Variants in PCDHA13 observed in about 807,000 individuals in gnomAD.
The protein encoded by PCDHA13 is protocadherin alpha 13.
In PCDHA13, 54 loss-of-function variants were observed where a neutral mutation model predicts 64.8. The observed-to-expected ratio is 0.83, with a 90% CI of 0.67 to 1.04. The LOEUF (loss-of-function observed/expected upper bound fraction) is 1.04. Among genes scored for constraint, PCDHA13 ranks in the 50% least tolerant of loss-of-function variants. PCDHA13 has a pLI of 0.00. For missense variants in PCDHA13, 1,248 were observed against 1,254.3 expected (o/e 0.99, Z 0.08); for synonymous variants, 587 against 564.4 (o/e 1.04, Z -0.57).
intron 3 of PCDHA13, among the ~76,000 whole-genome samples, chr5:141,005,360 A>G (rs1215157808): frequency 6.6e-6 from 1 of 152,184 alleles, no homozygotes; most frequent in Non-Finnish European, 1.5e-5. Flanking sequence ...TAGGAATGTC[A>G]TAGAATGCCT....
At chr5:140,933,988 G>C (rs1156532752) in intron 1 of PCDHA13, among the ~76,000 whole-genome samples, 1 of 151,832 alleles carries the variant, frequency 6.6e-6, no homozygotes, top group Non-Finnish European at 1.5e-5. Context: ...CCTGGTGTTA[G>C]TGTCACCTCT....
intron 3 of PCDHA13, among the ~76,000 whole-genome samples, chr5:140,999,595 C>T (rs1232390404): frequency 1.3e-5 from 2 of 152,148 alleles, no homozygotes; most frequent in East Asian, 3.9e-4. Flanking sequence ...GCCTTCCCTA[C>T]ATCCTGGGGG....
intron 1 of PCDHA13, among the ~76,000 whole-genome samples, chr5:140,909,076 G>A (rs556959550): frequency 3.3e-5 from 5 of 152,294 alleles, no homozygotes; most frequent in African/African-American, 7.2e-5. Context: ...TAAGCCCAGT[G>A]TGTTTGCTAC....
At chr5:140,966,313 C>T (rs1349194825) in intron 1 of PCDHA13, 18 of 386,704 alleles carry the variant, frequency 4.7e-5, no homozygotes, top group African/African-American at 2.5e-4. Flanking sequence ...CGTGTTCCTG[C>T]GGTCCGCTGG....
At chr5:140,898,900 C>T (rs1257410263) in intron 1 of PCDHA13, among the ~76,000 whole-genome samples, 2 of 151,396 alleles carry the variant, frequency 1.3e-5, no homozygotes, top group Non-Finnish European at 3.0e-5. Context: ...TGAAGAGGTC[C>T]TTCACGTCCC....
At chr5:140,926,529 A>T in intron 1 of PCDHA13, 1 of 209,686 alleles carries the variant, frequency 4.8e-6, no homozygotes, top group Admixed American at 5.9e-5. Context: ...CTGCGCCCGC[A>T]GCCAGCGTGG....
At chr5:140,901,515 T>C (rs1323018473) in intron 1 of PCDHA13, among the ~76,000 whole-genome samples, 1 of 152,178 alleles carries the variant, frequency 6.6e-6, no homozygotes, top group Non-Finnish European at 1.5e-5. Context: ...ATTATAGATA[T>C]GTGGATTTGT....
At chr5:140,968,749 G>A in intron 1 of PCDHA13, 1 of 1,614,150 alleles carries the variant, frequency 6.2e-7, no homozygotes, top group Non-Finnish European at 8.5e-7. Context: ...TGACCGTGGT[G>A]GTCCGAGATA....
chr5:140,981,881 C>T lies in PCDHA13; in HGVS notation c.2454-594C>T, dbSNP rs138571007. Among the ~76,000 whole-genome samples the T allele has an allele frequency of 4.1e-3, 622 of 152,270 alleles. 4 individuals carry two copies. Among genetic ancestry groups the T allele is most frequent in the African/African-American group, 0.014 (590 of 41,550 alleles). ...CAGCAATGTTTTATGCTGAATTAAT[C>T]TCTTCTGAGCGGGGATCTGTGAGTG... On this transcript the variant is annotated intron_variant, in intron 2 of 3. Transcript: ENST00000289272.
chr5:140,961,326 G>T (rs1450202899), intron 1 of PCDHA13, among the ~76,000 whole-genome samples: 1 of 152,154 alleles, frequency 6.6e-6, no homozygotes, highest in Admixed American at 6.5e-5. Flanking sequence ...TCTGTTTCTT[G>T]AGAGACCAAG....
intron 1 of PCDHA13, among the ~76,000 whole-genome samples, chr5:140,925,729 A>AAATATTTACAGAAAG (rs1334705925): frequency 8.6e-5 from 13 of 151,770 alleles, no homozygotes; most frequent in African/African-American, 2.9e-4. Context: ...GGTGTTTTCT[A>AAATATTTACAGAAAG]AATATTTACA....
At chr5:140,987,022 T>C (rs1218338191) in intron 3 of PCDHA13, among the ~76,000 whole-genome samples, 1 of 152,068 alleles carries the variant, frequency 6.6e-6, no homozygotes, top group African/African-American at 2.4e-5. Flanking sequence ...GAGACCAGCC[T>C]GGTCAACATG....
At chr5:140,914,817 C>T (rs2076857750) in intron 1 of PCDHA13, among the ~76,000 whole-genome samples, 1 of 152,040 alleles carries the variant, frequency 6.6e-6, no homozygotes, top group African/African-American at 2.4e-5. Flanking sequence ...ACTTAACAGA[C>T]TGCATAAACA....
chr5:141,008,953 A>G (rs1554261966), intron 3 of PCDHA13, among the ~76,000 whole-genome samples: 1 of 152,240 alleles, frequency 6.6e-6, no homozygotes, highest in African/African-American at 2.4e-5. Context: ...CAAAATAGAC[A>G]TCCTAATACA....
rs1379948594 is a variant in PCDHA13, at chr5:140,982,575, G to A, written c.2542+12G>A. ...CAGTGCAACACCAGGTAAAGAGCTGGGGTCTCTCCATTCTTTCTTGGTTTC... is the reference window on the plus strand; with the variant it reads ...CAGTGCAACACCAGGTAAAGAGCTGAGGTCTCTCCATTCTTTCTTGGTTTC... On this transcript the variant is annotated intron_variant, in intron 3 of 3. Coordinates refer to ENST00000289272, the MANE Select transcript of PCDHA13 (RefSeq NM_018904.3). The A allele has an allele frequency of 6.2e-7, 1 of 1,613,444 alleles. No homozygotes were observed. The highest frequency in any genetic ancestry group is 8.5e-7 in the Non-Finnish European group (1 of 1,179,518).
At chr5:140,985,739 CTTT>C (rs11372071) in intron 3 of PCDHA13, among the ~76,000 whole-genome samples, 5 of 117,900 alleles carry the variant, frequency 4.2e-5, no homozygotes, top group Non-Finnish European at 1.7e-5. Context: ...TGATGAATTC[CTTT>C]TTTTTTTTTT....
At chr5:140,884,954 T>C (rs2060416589) in intron 1 of PCDHA13, among the ~76,000 whole-genome samples, 1 of 152,208 alleles carries the variant, frequency 6.6e-6, no homozygotes, top group Non-Finnish European at 1.5e-5. Context: ...TTACAAAAAA[T>C]TCCTCACGTT....
intron 1 of PCDHA13, among the ~76,000 whole-genome samples, chr5:140,932,902 T>C (rs1276238248): frequency 6.6e-6 from 1 of 152,002 alleles, no homozygotes; most frequent in Non-Finnish European, 1.5e-5. Context: ...AGGGAAACAA[T>C]AATATTTCAA....
chr5:140,935,280 G>A (rs1039041502), intron 1 of PCDHA13, among the ~76,000 whole-genome samples: 2 of 152,114 alleles, frequency 1.3e-5, no homozygotes, highest in Admixed American at 6.5e-5. Context: ...ATCTAATAAA[G>A]TTCAGCACTC....
Sources: gnomAD v4.1 joint callset for allele counts (sites outside exome capture counted in the v4.1 genomes callset) on GRCh38, gnomAD v4.1.1 for gene constraint, MANE v1.5 for transcripts, NCBI Gene and HGNC (gene_info 2026-07-23, HGNC 2026-07-21) for gene names.